Variants in NEGR1 observed in about 807,000 individuals in gnomAD.
NEGR1 encodes neuronal growth regulator 1, also known as IgLON family member 4.
A neutral mutation model predicts 40.9 loss-of-function variants in NEGR1; 10 were observed. The ratio of observed to expected loss-of-function variants is 0.24; its 90% confidence interval spans 0.15 to 0.42. The LOEUF is 0.42. Ranked by LOEUF, NEGR1 falls within the 10% of genes least tolerant of loss-of-function variation. The pLI is 1.00. For missense variants in NEGR1, 352 were observed against 438.9 expected (o/e 0.80, Z 1.77); for synonymous variants, 185 against 166.8 (o/e 1.11, Z -0.84).
At chr1:71,761,653 C>A (rs1236122021) in intron 3 of NEGR1, among the ~76,000 whole-genome samples, 1 of 152,034 alleles carries the variant, frequency 6.6e-6, no homozygotes. Flanking sequence ...TTAAGGCTCC[C>A]TCAATGTTAA....
intron 1 of NEGR1, among the ~76,000 whole-genome samples, chr1:72,041,715 G>C (rs1557497199): frequency 6.8e-6 from 1 of 147,416 alleles, no homozygotes; most frequent in African/African-American, 2.5e-5. Flanking sequence ...AGACTAGATG[G>C]ATATATATAT....
chr1:71,475,706 G>A (rs1001694034), intron 6 of NEGR1, among the ~76,000 whole-genome samples: 4 of 151,888 alleles, frequency 2.6e-5, no homozygotes, highest in Non-Finnish European at 4.4e-5. Context: ...TAAGAAGGTC[G>A]TTAGGAAAAA....
intron 3 of NEGR1, among the ~76,000 whole-genome samples, chr1:71,775,208 T>C (rs1330210659): frequency 6.6e-6 from 1 of 152,206 alleles, no homozygotes; most frequent in Non-Finnish European, 1.5e-5. Context: ...AATGAAGACA[T>C]TTCTCTTGTG....
chr1:71,646,349 A>G lies in NEGR1; in HGVS notation c.668-35203T>C, dbSNP rs1350390654. ...TTAGAAGGCCACCTGAACTGGTGTA[A>G]TATCTCCTCTGGAAAAAGAAGCATA... On this transcript the variant is annotated intron_variant, in intron 4 of 6. Transcript: ENST00000357731. Among the ~76,000 whole-genome samples, 5 of 151,774 alleles carry G rather than the reference A, an allele frequency of 3.3e-5. No individual in the cohort carries two copies. In the East Asian group the frequency reaches 9.7e-4, roughly 29 times the overall value.
chr1:71,953,679 T>C (rs188647108), intron 1 of NEGR1, among the ~76,000 whole-genome samples: 3 of 152,076 alleles, frequency 2.0e-5, no homozygotes, highest in Admixed American at 6.6e-5. Flanking sequence ...GTTGTCATAT[T>C]TTAATAAATT....
At chr1:71,839,510 C>T (rs751383028) in intron 2 of NEGR1, among the ~76,000 whole-genome samples, 2 of 151,400 alleles carry the variant, frequency 1.3e-5, no homozygotes, top group Non-Finnish European at 2.9e-5. Context: ...CACTCCTGGC[C>T]GAGACCAGAC....
chr1:72,079,543 C>T (rs563796923), intron 1 of NEGR1, among the ~76,000 whole-genome samples: 2 of 152,106 alleles, frequency 1.3e-5, no homozygotes, highest in South Asian at 4.2e-4. Context: ...GAAGAGAATT[C>T]CATATTTTTT....
chr1:71,743,777 G>A (rs931463), intron 3 of NEGR1, among the ~76,000 whole-genome samples: 151,807 of 152,236 alleles, frequency 1, 75,690 homozygotes, highest in Middle Eastern at 1. Flanking sequence ...AAATTGTGTA[G>A]CATGCTTGAG....
chr1:71,701,109 T>C (rs533028672), intron 3 of NEGR1, among the ~76,000 whole-genome samples: 17 of 152,030 alleles, frequency 1.1e-4, no homozygotes, highest in Non-Finnish European at 2.5e-4. Flanking sequence ...AGTGCTGAGC[T>C]TCTGACATAC....
intron 6 of NEGR1, among the ~76,000 whole-genome samples, chr1:71,508,859 A>T (rs1278725711): frequency 6.6e-6 from 1 of 152,206 alleles, no homozygotes; most frequent in Non-Finnish European, 1.5e-5. Flanking sequence ...TGAACAATCC[A>T]GCCATTCTAA....
In NEGR1 at chr1:71,502,069, G is replaced by C. The variant is rs145346942; in HGVS notation, c.940+90748C>G. 1.8e-4 allele frequency among the ~76,000 whole-genome samples: 27 copies of C among 152,266 alleles called. No homozygotes were observed. In the East Asian group the frequency reaches 4.8e-3, roughly 27 times the overall value. ...ATGTGCCCTATGGTTATTTGGTCAT[G>C]TAAGAAAACATTTTAAATGGTCCAT... On this transcript the variant is annotated intron_variant, in intron 6 of 6. Coordinates refer to ENST00000357731, the MANE Select transcript of NEGR1 (RefSeq NM_173808.3).
Position 72,088,657 on chromosome 1 carries a change from T to C in NEGR1, c.177-153346A>G, listed in dbSNP as rs143392774. ...AAGGATACTAGAATAATGTATAATG[T>C]GTTCAACACTAAATCGTACCTTCGA... On this transcript the variant is annotated intron_variant, in intron 1 of 6. Coordinates refer to ENST00000357731, the MANE Select transcript of NEGR1 (RefSeq NM_173808.3). Among the ~76,000 whole-genome samples the C allele has an allele frequency of 5.9e-5, 9 of 152,252 alleles. 1 individual carries two copies. In the East Asian group the frequency reaches 9.7e-4, roughly 16 times the overall value.
intron 6 of NEGR1, among the ~76,000 whole-genome samples, chr1:71,411,764 C>G (rs1304775560): frequency 6.6e-6 from 1 of 152,092 alleles, no homozygotes; most frequent in African/African-American, 2.4e-5. Flanking sequence ...CTTTGGGAGG[C>G]CGAAGCAGGT....
At chr1:71,960,655 C>A (rs914844264) in intron 1 of NEGR1, among the ~76,000 whole-genome samples, 1 of 152,054 alleles carries the variant, frequency 6.6e-6, no homozygotes, top group African/African-American at 2.4e-5. Flanking sequence ...AAACTCTGTC[C>A]AGCATTCCCA....
intron 2 of NEGR1, among the ~76,000 whole-genome samples, chr1:71,856,011 T>C (rs1659749076): frequency 6.6e-6 from 1 of 152,094 alleles, no homozygotes. Context: ...CTCAGCATGC[T>C]TTATTTGCTA....
At chr1:71,690,614 GGAGACAGA>G (rs1653236916) in intron 4 of NEGR1, among the ~76,000 whole-genome samples, 3 of 21,858 alleles carry the variant, frequency 1.4e-4, no homozygotes, top group East Asian at 1.2e-3. Context: ...ATATATAGAG[GGAGACAGA>G]GAGAGAGAGA....
intron 6 of NEGR1, among the ~76,000 whole-genome samples, chr1:71,505,163 G>A (rs72936146): frequency 0.017 from 2,659 of 152,276 alleles, 73 homozygotes; most frequent in African/African-American, 0.061. Context: ...CAAACCATAC[G>A]ATAACTCCGA....
chr1:71,517,704 A>C lies in NEGR1; in HGVS notation c.940+75113T>G, dbSNP rs200749872. Among the ~76,000 whole-genome samples, 22 of 117,928 alleles carry C rather than the reference A, an allele frequency of 1.9e-4. 1 individual carries two copies. The East Asian group carries it at 4.9e-3, about 26-fold the overall frequency. The allele number at this position is 117,928 out of a possible 152,430, so 77.4% of individuals were successfully genotyped here. Reference sequence around the variant, plus strand: ...CCCTCTCTCACCGCTCCTATTCAACATAGTGTTGGAAGTTCTGGCCAGGGC... The same window carrying C: ...CCCTCTCTCACCGCTCCTATTCAACCTAGTGTTGGAAGTTCTGGCCAGGGC... On this transcript the variant is annotated intron_variant, in intron 6 of 6. Coordinates refer to ENST00000357731, the MANE Select transcript of NEGR1 (RefSeq NM_173808.3).
chr1:72,029,292 C>A (rs1431104074), intron 1 of NEGR1, among the ~76,000 whole-genome samples: 1 of 151,674 alleles, frequency 6.6e-6, no homozygotes, highest in Non-Finnish European at 1.5e-5. Flanking sequence ...TCAGCCTGGG[C>A]AACATAGTGA....
Sources: gnomAD v4.1 joint callset for allele counts (sites outside exome capture counted in the v4.1 genomes callset) on GRCh38, gnomAD v4.1.1 for gene constraint, MANE v1.5 for transcripts, NCBI Gene and HGNC (gene_info 2026-07-23, HGNC 2026-07-21) for gene names.